Variants in NTM observed in about 807,000 individuals in gnomAD.
NTM encodes neurotrimin.
A neutral mutation model predicts 42.1 loss-of-function variants in NTM; 13 were observed. The ratio of observed to expected loss-of-function variants is 0.31; its 90% CI spans 0.20 to 0.49. The LOEUF is 0.49. Ranked by LOEUF, NTM falls within the 20% of genes least tolerant of loss-of-function variation. The probability of loss-of-function intolerance (pLI) is 0.99; values close to 1 mark genes in which losing one functional copy is unlikely to be tolerated. For synonymous variants in NTM, 187 were observed against 179.2 expected (o/e 1.04, Z -0.35); for missense variants, 373 against 452.8 (o/e 0.82, Z 1.60).
intron 1 of NTM, among the ~76,000 whole-genome samples, chr11:131,552,831 A>AT (rs397747215): frequency 1.3e-5 from 2 of 150,888 alleles, no homozygotes; most frequent in Non-Finnish European, 3.0e-5. Flanking sequence ...AAAAAAAAAA[A>AT]TAATAGCCTC....
chr11:131,982,718 G>T (rs117046770), intron 2 of NTM, among the ~76,000 whole-genome samples: 1 of 152,180 alleles, frequency 6.6e-6, no homozygotes, highest in African/African-American at 2.4e-5. Context: ...TTCATTACAC[G>T]TCATAAAGGA....
intron 2 of NTM, among the ~76,000 whole-genome samples, chr11:131,938,250 T>A (rs1399199053): frequency 1.3e-5 from 2 of 151,704 alleles, no homozygotes; most frequent in African/African-American, 2.4e-5. Context: ...GTAACTGGAG[T>A]GTGTTGGTCA....
At chr11:131,703,956 C>G (rs752647298) in intron 1 of NTM, among the ~76,000 whole-genome samples, 1 of 152,172 alleles carries the variant, frequency 6.6e-6, no homozygotes, top group Non-Finnish European at 1.5e-5. Context: ...GCTCCAGCCT[C>G]TAGGGTTGCA....
At chr11:131,401,832 A>ATATATATATATATG (rs1945240359) in intron 1 of NTM, among the ~76,000 whole-genome samples, 3 of 82,252 alleles carry the variant, frequency 3.6e-5, no homozygotes, top group African/African-American at 1.4e-4. Flanking sequence ...ATATATATAT[A>ATATATATATATATG]TATATATATA....
At chr11:131,457,713 T>C (rs561627985) in intron 1 of NTM, among the ~76,000 whole-genome samples, 1 of 149,476 alleles carries the variant, frequency 6.7e-6, no homozygotes, top group South Asian at 2.1e-4. Context: ...CACTAAATGT[T>C]TTTGTCCTCC....
At chr11:131,651,155 T>C (rs1480586978) in intron 1 of NTM, among the ~76,000 whole-genome samples, 1 of 152,216 alleles carries the variant, frequency 6.6e-6, no homozygotes, top group Non-Finnish European at 1.5e-5. Context: ...ACAATTTAAA[T>C]TAAGCTCCTC....
chr11:131,828,884 G>T (rs1400078969), intron 1 of NTM, among the ~76,000 whole-genome samples: 2 of 152,034 alleles, frequency 1.3e-5, no homozygotes, highest in Non-Finnish European at 2.9e-5. Context: ...ATTAAAGCTA[G>T]TAAAAATGTT....
At chr11:131,667,696 G>A (rs1050391420) in intron 1 of NTM, among the ~76,000 whole-genome samples, 10 of 152,152 alleles carry the variant, frequency 6.6e-5, no homozygotes, top group African/African-American at 2.2e-4. Context: ...GGAGTGAAAC[G>A]TCCCTGAGCA....
intron 1 of NTM, among the ~76,000 whole-genome samples, chr11:131,869,692 T>C (rs2047577950): frequency 6.6e-6 from 1 of 152,212 alleles, no homozygotes; most frequent in Admixed American, 6.5e-5. Flanking sequence ...AAATTTAATT[T>C]AATTGTAGAT....
rs61627120 is a variant in NTM, at chr11:131,972,042, CAAAA to C, written c.167+60412_167+60415del. On this transcript the variant is annotated intron_variant, in intron 2 of 8. Coordinates refer to ENST00000683400, the MANE Select transcript of NTM (RefSeq NM_001352005.2). The stretch of plus-strand genomic sequence containing the variant: ...TGGGCGACAGAGTGAGACTCCGTCT[CAAAA>C]AAAAAAAAAAAAAAAAATTAGCCAG... Among the ~76,000 whole-genome samples, 20 of 57,826 alleles carry C rather than the reference CAAAA, an allele frequency of 3.5e-4. 1 individual carries two copies. The South Asian group carries it at 7.5e-3, about 22-fold the overall frequency. 37.9% of individuals were successfully genotyped at this position (57,826 alleles called of 152,430 possible). A position where few individuals can be genotyped will look rare whatever the true frequency, so the allele number is the denominator to read the frequency against.
At chr11:132,166,829 G>T (rs2075352378) in intron 3 of NTM, among the ~76,000 whole-genome samples, 2 of 152,128 alleles carry the variant, frequency 1.3e-5, no homozygotes. Context: ...TAGCATTATG[G>T]CTACTTTCTG....
At chr11:131,833,049 A>G (rs765063778) in intron 1 of NTM, among the ~76,000 whole-genome samples, 1 of 152,240 alleles carries the variant, frequency 6.6e-6, no homozygotes, top group Non-Finnish European at 1.5e-5. Context: ...TTTCTCTACA[A>G]TAGTAACTAG....
intron 1 of NTM, among the ~76,000 whole-genome samples, chr11:131,749,790 G>T (rs542413747): frequency 6.6e-6 from 1 of 152,122 alleles, no homozygotes; most frequent in Non-Finnish European, 1.5e-5. Context: ...AGTAGAGACA[G>T]GGTTTCACTA....
chr11:132,309,446 A>T (rs2095210485), intron 5 of NTM, among the ~76,000 whole-genome samples: 2 of 152,208 alleles, frequency 1.3e-5, no homozygotes, highest in Non-Finnish European at 1.5e-5. Context: ...TTTTGGCAAG[A>T]ACCTGGTGTG....
intron 1 of NTM, among the ~76,000 whole-genome samples, chr11:131,475,204 C>T (rs11222663): frequency 0.099 from 15,093 of 152,176 alleles, 1,971 homozygotes; most frequent in African/African-American, 0.29. Flanking sequence ...CAAGCCCAAC[C>T]TTTTAAGCAG....
At chr11:131,605,898 T>C (rs1467268411) in intron 1 of NTM, 1 of 982,110 alleles carries the variant, frequency 1.0e-6, no homozygotes, top group Non-Finnish European at 1.2e-6. Context: ...TATTAATCAT[T>C]GTTTCAATTC....
At chr11:131,682,676 C>T (rs73583666) in intron 1 of NTM, among the ~76,000 whole-genome samples, 4,909 of 152,338 alleles carry the variant, frequency 0.032, 269 homozygotes, top group African/African-American at 0.11. Context: ...TGTTACTGCA[C>T]CCTGAGCGCA....
intron 1 of NTM, among the ~76,000 whole-genome samples, chr11:131,567,935 ATTAC>A (rs776181411): frequency 1.7e-4 from 26 of 152,322 alleles, no homozygotes; most frequent in South Asian, 8.3e-4. Flanking sequence ...GTGCCCAGTA[ATTAC>A]TTGCTGAATA....
chr11:131,800,302 A>C (rs1227045627), intron 1 of NTM, among the ~76,000 whole-genome samples: 1 of 152,194 alleles, frequency 6.6e-6, no homozygotes, highest in Admixed American at 6.5e-5. Flanking sequence ...AAAACAAACC[A>C]AGCAGGCTAA....
Sources: allele counts gnomAD v4.1 joint callset (sites outside exome capture counted in the v4.1 genomes callset), GRCh38; gene constraint gnomAD v4.1.1; transcripts MANE v1.5; gene names NCBI Gene and HGNC (gene_info 2026-07-23, HGNC 2026-07-21).